FAM149A: variants seen among roughly 807,000 people sequenced by gnomAD.
FAM149A encodes family with sequence similarity 149 member A, also known as protein FAM149A.
Under a neutral mutation model 78.2 loss-of-function variants are expected in FAM149A, and 71 were observed. The observed-to-expected ratio is 0.91, with a 90% CI of 0.75 to 1.11. The LOEUF is 1.11. Among genes scored for constraint, FAM149A ranks in the 50% least tolerant of loss-of-function variants. The probability of loss-of-function intolerance (pLI) is 0.00; values close to 1 mark genes in which losing one functional copy is unlikely to be tolerated. For missense variants in FAM149A, 1,036 were observed against 971.0 expected (o/e 1.07, Z -0.89); for synonymous variants, 446 against 410.5 (o/e 1.09, Z -1.04).
intron 1 of FAM149A, chr4:186,146,506 T>G: frequency 2.0e-6 from 2 of 985,084 alleles, no homozygotes; most frequent in African/African-American, 3.5e-5. Flanking sequence ...AATTTTCTCC[T>G]TAATTTGAAA....
intron 1 of FAM149A, among the ~76,000 whole-genome samples, chr4:186,121,648 A>G (rs1056984444): frequency 2.0e-5 from 3 of 152,174 alleles, no homozygotes; most frequent in African/African-American, 4.8e-5. Flanking sequence ...TCTGACGCAC[A>G]CAAACTTACT....
At chr4:186,159,801 G>A (rs548737994) in intron 8 of FAM149A, among the ~76,000 whole-genome samples, 83 of 152,114 alleles carry the variant, frequency 5.5e-4, no homozygotes, top group African/African-American at 1.9e-3. Flanking sequence ...CAAGGAGGTT[G>A]TTTCCACTGC....
chr4:186,138,894 T>C (rs1343959421), intron 1 of FAM149A, among the ~76,000 whole-genome samples: 1 of 151,720 alleles, frequency 6.6e-6, no homozygotes, highest in African/African-American at 2.4e-5. Flanking sequence ...ACTCTTGGAG[T>C]CAAGCTTCCA....
intron 6 of FAM149A, 102 bp downstream of exon 6, chr4:186,154,740 T>A: frequency 6.9e-7 from 1 of 1,448,172 alleles, no homozygotes; most frequent in Non-Finnish European, 9.1e-7. Flanking sequence ...TATTTTTTAC[T>A]CACCCAAAAG....
At chr4:186,116,793 G>C in intron 1 of FAM149A, 1 of 980,372 alleles carries the variant, frequency 1.0e-6, no homozygotes, top group African/African-American at 1.7e-5. Context: ...TTTGCTGTGT[G>C]TTTAAAGAAC....
intron 3 of FAM149A, chr4:186,151,013 T>C (rs1733535422): frequency 1.0e-6 from 1 of 985,162 alleles, no homozygotes; most frequent in Non-Finnish European, 1.2e-6. Flanking sequence ...CCTCTTTGCT[T>C]TCTTTAAAAG....
At chr4:186,147,370 C>A (rs1733136428) in intron 1 of FAM149A, among the ~76,000 whole-genome samples, 1 of 152,176 alleles carries the variant, frequency 6.6e-6, no homozygotes, top group African/African-American at 2.4e-5. Flanking sequence ...TGGAGCAAAG[C>A]AAGACCCTGT....
intron 1 of FAM149A, chr4:186,109,059 G>T (rs556496942): frequency 4.0e-6 from 1 of 247,448 alleles, no homozygotes; most frequent in African/African-American, 2.3e-5. Context: ...ATGTTAGCCA[G>T]GATGGTCTCG....
intron 1 of FAM149A, among the ~76,000 whole-genome samples, chr4:186,122,142 G>A (rs2150092274): frequency 6.6e-6 from 1 of 152,304 alleles, no homozygotes; most frequent in South Asian, 2.1e-4. Flanking sequence ...GAAGAAGTCT[G>A]AAAGAAGCTA....
At chr4:186,110,640 C>T (rs1472482969) in intron 1 of FAM149A, among the ~76,000 whole-genome samples, 7 of 130,760 alleles carry the variant, frequency 5.4e-5, no homozygotes, top group African/African-American at 1.5e-4. Context: ...TGAGAATATG[C>T]GGTGTTTGGT....
At position 186,163,369 on chromosome 4, in the gene FAM149A, G is replaced by A. The variant is rs537870654; in HGVS notation, c.1680-55G>A. On this transcript the variant is annotated intron_variant, in intron 9 of 13. Transcript: ENST00000389354. ...TGCTCAACTAAGCACAGACAGGTGCGTTCCCTGTTATCACAGCACTCGCAG... is the reference window on the plus strand; with the variant it reads ...TGCTCAACTAAGCACAGACAGGTGCATTCCCTGTTATCACAGCACTCGCAG... 1.1e-4 allele frequency: 161 copies of A among 1,425,366 alleles called. No homozygotes were observed. In the African/African-American group the frequency reaches 1.7e-3, roughly 15 times the overall value. The allele number at this position is 1,425,366 out of a possible 1,614,324, so 88.3% of individuals were successfully genotyped here.
chr4:186,144,359 C>T lies in FAM149A; in HGVS notation c.567-4814C>T, dbSNP rs1732798029. On this transcript the variant is annotated intron_variant, in intron 1 of 13. Coordinates refer to ENST00000389354, the MANE Select transcript of FAM149A (RefSeq NM_001367768.3). This position sits in a 1 kb window ranked among gnomAD's most constrained non-coding sequence, Gnocchi z 4.2. ...TAGGGCAGGACGGGCGTGGAAGGGT[C>T]CACGTCTTTAGTATGCATGCTTAGA... is the stretch of plus-strand genomic sequence containing the variant. The T allele has an allele frequency of 6.6e-6, 1 of 152,208 alleles. No homozygotes were observed. The highest frequency in any genetic ancestry group is 1.9e-4 in the East Asian group (1 of 5,176). 9.4% of individuals were successfully genotyped at this position (152,208 alleles called of 1,614,324 possible).
intron 6 of FAM149A, among the ~76,000 whole-genome samples, chr4:186,155,412 C>T (rs1733970531): frequency 6.6e-6 from 1 of 152,134 alleles, no homozygotes; most frequent in Non-Finnish European, 1.5e-5. Context: ...TTTCTGATCT[C>T]AGTGGTACAA....
At chr4:186,129,812 G>A (rs1238733475) in intron 1 of FAM149A, among the ~76,000 whole-genome samples, 1 of 152,176 alleles carries the variant, frequency 6.6e-6, no homozygotes, top group Non-Finnish European at 1.5e-5. Context: ...AAAAATAAAT[G>A]TACACGTCAA....
At chr4:186,157,925 G>A (rs1734197161) in intron 8 of FAM149A, 2 of 1,531,032 alleles carry the variant, frequency 1.3e-6, no homozygotes, top group East Asian at 2.5e-5. Context: ...TCCTGCCTAT[G>A]AAGGACGAGG....
At position 186,144,610 on chromosome 4, in the gene FAM149A, CCAGAGACCCGGGAAGGAG is replaced by C. The variant is rs1732826122; in HGVS notation, c.567-4562_567-4545del. 1 of 161,454 alleles carries C rather than the reference CCAGAGACCCGGGAAGGAG, an allele frequency of 6.2e-6. No individual in the cohort carries two copies. Among genetic ancestry groups the C allele is most frequent in the Non-Finnish European group, 1.3e-5 (1 of 76,352 alleles). 10.0% of individuals were successfully genotyped at this position (161,454 alleles called of 1,614,324 possible). ...GCACCAGTATGCACAGCCCCCGGCC[CCAGAGACCCGGGAAGGAG>C]TAGGGAGGCCGGGCCGTGCGCGGAG... On this transcript the variant is annotated intron_variant, in intron 1 of 13. Transcript: ENST00000389354. The surrounding 1 kb of genome is among the most constrained non-coding windows in gnomAD (Gnocchi z 4.2).
chr4:186,165,372 C>G lies in FAM149A; in HGVS notation c.1918C>G (p.Pro640Ala), dbSNP rs754119973. The G allele has an allele frequency of 1.2e-6, 2 of 1,614,178 alleles. No homozygotes were observed. Among genetic ancestry groups the G allele is most frequent in the Non-Finnish European group, 1.7e-6 (2 of 1,180,024 alleles). The change falls in exon 11 of 14, where the codon CCA becomes GCA. Residue 640 changes from proline (P) to alanine (A), a missense_variant. Pro to Ala is a conservative substitution (Grantham distance 27, BLOSUM62 -1). This residue lies in a region of FAM149A where 716 missense variants were observed against 711.8 expected (regional missense o/e 1.01). Coordinates refer to ENST00000389354, the MANE Select transcript of FAM149A (RefSeq NM_001367768.3). Reference sequence around the variant, plus strand: ...GACTGGCGTGGACCACATGGCTTCCCCACTGGTTCAAACGTCACGGAGCAG... The same window carrying G: ...GACTGGCGTGGACCACATGGCTTCCGCACTGGTTCAAACGTCACGGAGCAG...
At chr4:186,153,202 T>A in intron 4 of FAM149A, 1 of 948,488 alleles carries the variant, frequency 1.1e-6, no homozygotes. Context: ...GGAGGGAAGG[T>A]GGGAAAAGAT....
rs187666536 is a variant in FAM149A at position 186,123,197 on chromosome 4, T to C, written c.566+17555T>C. The stretch of plus-strand genomic sequence containing the variant: ...ACAATTTGAAAAGGAAATGTCACAT[T>C]ACTGAGTTTTCAAAGGATGTCCAAA... On this transcript the variant is annotated intron_variant, in intron 1 of 13. Coordinates refer to ENST00000389354, the MANE Select transcript of FAM149A (RefSeq NM_001367768.3). The C allele has an allele frequency of 8.9e-3, 8,726 of 984,584 alleles. 49 individuals carry two copies. Among genetic ancestry groups the C allele is most frequent in the South Asian group, 0.025 (535 of 21,268 alleles). The allele number at this position is 984,584 out of a possible 1,614,324, so 61.0% of individuals were successfully genotyped here.
Sources: gnomAD v4.1 joint callset for allele counts (sites outside exome capture counted in the v4.1 genomes callset) on GRCh38, gnomAD v4.1.1 for gene constraint, gnomAD v4.1.1 regional missense constraint, Gnocchi (gnomAD v3.1) non-coding constraint, MANE v1.5 for transcripts, NCBI Gene and HGNC (gene_info 2026-07-23, HGNC 2026-07-21) for gene names.